Variants in NFIB observed in about 807,000 individuals in gnomAD.
NFIB encodes the protein nuclear factor I B, also known as nuclear factor 1 B-type.
A neutral mutation model predicts 61.5 loss-of-function variants in NFIB; 11 were observed. The observed-to-expected ratio is 0.18, with a 90% CI of 0.11 to 0.30. The LOEUF (loss-of-function observed/expected upper bound fraction) is 0.30. NFIB is among the 10% of genes least tolerant of loss of function. The pLI, the probability that NFIB is intolerant of heterozygous loss-of-function variation, is 1.00. For missense variants in NFIB, 471 were observed against 608.9 expected (o/e 0.77, Z 2.38); for synonymous variants, 260 against 216.5 (o/e 1.20, Z -1.76).
the NFIB span, among the ~76,000 whole-genome samples, chr9:14,523,276 T>C: frequency 6.6e-6 from 1 of 152,136 alleles, no homozygotes; most frequent in Non-Finnish European, 1.5e-5. Context: ...CTTACAGTGG[T>C]CAAAGCAGGG....
the NFIB span, among the ~76,000 whole-genome samples, chr9:14,498,114 G>A: frequency 6.6e-6 from 1 of 152,194 alleles, no homozygotes; most frequent in Non-Finnish European, 1.5e-5. Flanking sequence ...CATTTTATGA[G>A]TAAGCAAAAC....
the NFIB span, among the ~76,000 whole-genome samples, chr9:14,426,079 A>C: frequency 1.3e-5 from 2 of 152,092 alleles, no homozygotes; most frequent in Non-Finnish European, 2.9e-5. Context: ...TTGGAGATGG[A>C]GGTAGCTGGC....
intron 2 of NFIB, among the ~76,000 whole-genome samples, chr9:14,237,574 C>A (rs2053869157): frequency 6.6e-6 from 1 of 152,158 alleles, no homozygotes; most frequent in Non-Finnish European, 1.5e-5. Flanking sequence ...GACTTCCCAA[C>A]ATGCTTCCAA....
At chr9:14,414,431 C>CAAA in the NFIB span, among the ~76,000 whole-genome samples, 4 of 56,600 alleles carry the variant, frequency 7.1e-5, no homozygotes, top group Non-Finnish European at 1.7e-4. Context: ...GAGACTGTCT[C>CAAA]AAAAAAAAAA....
the NFIB span, among the ~76,000 whole-genome samples, chr9:14,517,475 T>C: frequency 6.6e-6 from 1 of 152,226 alleles, no homozygotes; most frequent in East Asian, 1.9e-4. Flanking sequence ...CACAGTCTAA[T>C]AGGCTGGATA....
chr9:14,415,777 C>G, the NFIB span, among the ~76,000 whole-genome samples: 1,871 of 152,252 alleles, frequency 0.012, 30 homozygotes, highest in Middle Eastern at 0.031. Context: ...TTAAATCCCT[C>G]AAGTCCCACC....
the NFIB span, among the ~76,000 whole-genome samples, chr9:14,450,294 G>A: frequency 6.6e-6 from 1 of 151,980 alleles, no homozygotes; most frequent in Non-Finnish European, 1.5e-5. Flanking sequence ...GTATAACTGG[G>A]AAAAGAAAAC....
intron 10 of NFIB, among the ~76,000 whole-genome samples, chr9:14,104,133 G>C (rs950002231): frequency 2.0e-5 from 3 of 151,770 alleles, no homozygotes; most frequent in African/African-American, 4.8e-5. Context: ...GGCTGGTCTC[G>C]AACTCCTGAC....
chr9:14,504,851 A>G, the NFIB span, among the ~76,000 whole-genome samples: 71 of 152,280 alleles, frequency 4.7e-4, no homozygotes, highest in Non-Finnish European at 6.2e-4. Context: ...TGCTTTGGCT[A>G]GGACTTCCAG....
At chr9:14,480,859 C>G in the NFIB span, among the ~76,000 whole-genome samples, 1 of 152,042 alleles carries the variant, frequency 6.6e-6, no homozygotes, top group Admixed American at 6.6e-5. Flanking sequence ...AGTATGAAGC[C>G]TTTCAGCTTT....
chr9:14,256,692 T>A lies in NFIB; in HGVS notation c.562+50297A>T, dbSNP rs571483134. 2.0e-5 allele frequency among the ~76,000 whole-genome samples: 3 copies of A among 152,310 alleles called. No homozygotes were observed. The South Asian group carries it at 6.2e-4, about 32-fold the overall frequency. On this transcript the variant is annotated intron_variant, in intron 2 of 10. Coordinates refer to ENST00000380953, the MANE Select transcript of NFIB (RefSeq NM_001190737.2). ...ATGAGAATCACAGTTACTTAATCACTGTGAGCTCATAAAACTGGACCCAAA... is the reference window on the plus strand; with the variant it reads ...ATGAGAATCACAGTTACTTAATCACAGTGAGCTCATAAAACTGGACCCAAA...
the NFIB span, among the ~76,000 whole-genome samples, chr9:14,445,952 C>G: frequency 1.3e-5 from 2 of 152,128 alleles, no homozygotes; most frequent in African/African-American, 4.8e-5. Flanking sequence ...CACACTGGCT[C>G]AGATTTTGTG....
chr9:14,240,502 G>C (rs1340343986), intron 2 of NFIB, among the ~76,000 whole-genome samples: 2 of 152,136 alleles, frequency 1.3e-5, no homozygotes, highest in African/African-American at 4.8e-5. Context: ...AAGCAAAGAA[G>C]AAGCAACACA....
At chr9:14,472,859 A>AT in the NFIB span, among the ~76,000 whole-genome samples, 1 of 152,190 alleles carries the variant, frequency 6.6e-6, no homozygotes, top group East Asian at 1.9e-4. Flanking sequence ...AAAAATAAAA[A>AT]AAAAAAGGAT....
At chr9:14,289,104 G>GTGTA (rs775006898) in intron 2 of NFIB, among the ~76,000 whole-genome samples, 2 of 144,306 alleles carry the variant, frequency 1.4e-5, no homozygotes, top group Non-Finnish European at 3.0e-5. Flanking sequence ...GTGTGTGTGT[G>GTGTA]TATGTGTGTG....
At chr9:14,329,801 C>T (rs2060799282) in intron 1 of NFIB, among the ~76,000 whole-genome samples, 2 of 151,618 alleles carry the variant, frequency 1.3e-5, no homozygotes, top group South Asian at 4.2e-4. Flanking sequence ...GCGTGAGCCA[C>T]CACGCCCAGC....
chr9:14,112,157 T>C (rs1213813583), intron 10 of NFIB, among the ~76,000 whole-genome samples: 3 of 152,180 alleles, frequency 2.0e-5, no homozygotes, highest in African/African-American at 7.2e-5. Flanking sequence ...TTGCATACTG[T>C]TAATTTCAAA....
At chr9:14,187,227 T>A (rs1489532723) in intron 2 of NFIB, among the ~76,000 whole-genome samples, 1 of 151,636 alleles carries the variant, frequency 6.6e-6, no homozygotes, top group African/African-American at 2.4e-5. Flanking sequence ...GTTAATGGAA[T>A]CCCTGATCTT....
At chr9:14,202,159 C>CAT (rs1258197482) in intron 2 of NFIB, among the ~76,000 whole-genome samples, 1 of 151,028 alleles carries the variant, frequency 6.6e-6, no homozygotes, top group East Asian at 1.9e-4. Context: ...CACACACACA[C>CAT]ACACAAAGAT....
Sources: gnomAD v4.1 joint callset for allele counts (sites outside exome capture counted in the v4.1 genomes callset) on GRCh38, gnomAD v4.1.1 for gene constraint, MANE v1.5 for transcripts, NCBI Gene and HGNC (gene_info 2026-07-23, HGNC 2026-07-21) for gene names.